Variants in STARD9 observed in about 807,000 individuals in gnomAD.
The protein encoded by STARD9 is StAR related lipid transfer domain containing 9.
Under a neutral mutation model 399.8 loss-of-function variants are expected in STARD9, and 346 were observed. The ratio of observed to expected loss-of-function variants is 0.87; its 90% CI spans 0.79 to 0.95. The LOEUF is 0.95. Ranked by LOEUF, STARD9 falls within the 40% of genes least tolerant of loss-of-function variation. The pLI is 0.00. For synonymous variants in STARD9, 2,203 were observed against 2,143.5 expected, an observed-to-expected ratio of 1.03 and a Z score of -0.77; for missense variants, 5,832 against 5,667.5, an observed-to-expected ratio of 1.03 and a Z score of -0.93.
chr15:42,606,954 T>C (rs941773929), intron 3 of STARD9, among the ~76,000 whole-genome samples: 1 of 151,232 alleles, frequency 6.6e-6, no homozygotes, highest in Non-Finnish European at 1.5e-5. Flanking sequence ...GTGTACTTCA[T>C]TGATTGATTG....
intron 3 of STARD9, among the ~76,000 whole-genome samples, chr15:42,610,501 A>G (rs534577916): frequency 2.0e-5 from 3 of 152,214 alleles, no homozygotes; most frequent in African/African-American, 2.4e-5. Context: ...TTAAACCACT[A>G]TTCTTTTGGG....
Position 42,638,763 on chromosome 15 carries a change from C to CTA in STARD9, c.513_514dup (p.Thr172IlefsTer22). 1 of 1,536,682 alleles carries CTA rather than the reference C, an allele frequency of 6.5e-7. No individual in the cohort carries two copies. The highest frequency in any genetic ancestry group is 8.7e-7 in the Non-Finnish European group (1 of 1,146,560). On this transcript the variant is annotated frameshift_variant, in exon 7 of 33. Transcript: ENST00000290607. LOFTEE classifies it high-confidence loss of function. ...TGAAGCAATCTGGTCAAAAAAAGTCCTATACCCTGCGGGTCAGGGAGCATC... is the reference window on the plus strand; with the variant it reads ...TGAAGCAATCTGGTCAAAAAAAGTCCTATATACCCTGCGGGTCAGGGAGCATC...
At chr15:42,592,757 TAAGGC>T (rs1488188554) in intron 3 of STARD9, among the ~76,000 whole-genome samples, 4 of 152,314 alleles carry the variant, frequency 2.6e-5, no homozygotes, top group Non-Finnish European at 5.9e-5. Context: ...TTTCCATTCT[TAAGGC>T]AAGTCATTAT....
Position 42,688,693 on chromosome 15 carries a change from G to T in STARD9, c.7115G>T (p.Ser2372Ile), listed in dbSNP as rs1329746328. ...LDLTMLKIHN[S>I]PLVTGVEHQD... ...CTCACAATGTTGAAAATTCATAACA[G>T]TCCCTTGGTAACTGGAGTAGAGCAT... The change falls in exon 23 of 33, where the codon AGT (serine) becomes ATT (isoleucine). Residue 2372 changes from serine to isoleucine, a missense_variant. Physicochemically the swap from Ser to Ile is moderately radical, Grantham distance 142. Coordinates refer to ENST00000290607, the MANE Select transcript of STARD9 (RefSeq NM_020759.3). 2 of 1,537,682 alleles carry T rather than the reference G, an allele frequency of 1.3e-6. No homozygotes were observed. The highest frequency in any genetic ancestry group is 4.9e-5 in the East Asian group (2 of 40,922).
Position 42,689,323 on chromosome 15 carries a change from T to C in STARD9, c.7745T>C (p.Leu2582Pro). ...GTCCTTTCTTACTGTGAAACTTTACTAGAACCCGAATGTTCTTCAAGGGTT... is the reference window on the plus strand; with the variant it reads ...GTCCTTTCTTACTGTGAAACTTTACCAGAACCCGAATGTTCTTCAAGGGTT... ...GTVLSYCETL[L>P]EPECSSRVAG... Residue 2582 changes from leucine to proline, a missense_variant, in exon 23 of 33, where the codon CTA becomes CCA. Leu to Pro is a moderately conservative substitution (Grantham distance 98). Transcript: ENST00000290607. The C allele has an allele frequency of 1.3e-6, 2 of 1,537,270 alleles. No homozygotes were observed. The highest frequency in any genetic ancestry group is 2.4e-5 in the East Asian group (1 of 40,920).
rs771180188 is a variant in STARD9 at position 42,687,709 on chromosome 15, C to T, written c.6131C>T (p.Thr2044Ile). The T allele has an allele frequency of 2.1e-5, 32 of 1,537,268 alleles. No homozygotes were observed. The highest frequency in any genetic ancestry group is 2.7e-5 in the Non-Finnish European group (31 of 1,146,902). ...AAACAGAATAAAAGAGTTAATAATA[C>T]TGATGAAATGGCTAGGCTAATTAGG... ...GKKQNKRVNN[T>I]DEMARLIRSV... The change falls in exon 23 of 33, where the codon ACT becomes ATT. Residue 2044 changes from threonine to isoleucine, a missense_variant. Thr to Ile is a moderately conservative substitution (Grantham distance 89). Coordinates refer to ENST00000290607, the MANE Select transcript of STARD9 (RefSeq NM_020759.3).
Position 42,690,235 on chromosome 15 carries a change from A to T in STARD9, c.8657A>T (p.Glu2886Val), listed in dbSNP as rs1345982419. ...GAGAGTGTTGGGTCTGGGTTGACAG[A>T]AGTCTGCAGGGCTGGCAGCAAACAT... ...CKESVGSGLT[E>V]VCRAGSKHSR... Residue 2886 changes from glutamate to valine, a missense_variant, in exon 23 of 33, where the codon GAA (glutamate) becomes GTA (valine). Physicochemically the swap from Glu to Val is moderately radical, Grantham distance 121. Transcript: ENST00000290607. 14 of 1,537,562 alleles carry T rather than the reference A, an allele frequency of 9.1e-6. No homozygotes were observed. The highest frequency in any genetic ancestry group is 1.2e-5 in the Non-Finnish European group (14 of 1,146,992).
chr15:42,698,292 A>C (rs1256999832), intron 26 of STARD9, among the ~76,000 whole-genome samples: 1 of 152,184 alleles, frequency 6.6e-6, no homozygotes, highest in Non-Finnish European at 1.5e-5. Flanking sequence ...ATATACATTT[A>C]AATTTTTGAT....
At chr15:42,713,606 G>T (rs58938096) in intron 26 of STARD9, among the ~76,000 whole-genome samples, 42,153 of 151,938 alleles carry the variant, frequency 0.28, 7,418 homozygotes, top group African/African-American at 0.49. Flanking sequence ...TCATGAAAAG[G>T]TACTGGATTT....
In STARD9 at chr15:42,675,346, G is replaced by A. The variant is rs114863961; in HGVS notation, c.1688-318G>A. The A allele has an allele frequency of 1.3e-4, 55 of 424,806 alleles. No individual in the cohort carries two copies. The Middle Eastern group carries it at 2.0e-3, about 15-fold the overall frequency. 26.3% of individuals were successfully genotyped at this position (424,806 alleles called of 1,614,324 possible). A position where few individuals can be genotyped will look rare whatever the true frequency, so the allele number is the denominator to read the frequency against. On this transcript the variant is annotated intron_variant, in intron 18 of 32. Coordinates refer to ENST00000290607, the MANE Select transcript of STARD9 (RefSeq NM_020759.3). The stretch of plus-strand genomic sequence containing the variant: ...CATTATCATTATTACTTTAATTACC[G>A]CTACTGTTATTAATCTATGCAAATT...
At chr15:42,682,957 C>T (rs1008083606) in intron 22 of STARD9, among the ~76,000 whole-genome samples, 1 of 152,166 alleles carries the variant, frequency 6.6e-6, no homozygotes, top group Non-Finnish European at 1.5e-5. Flanking sequence ...CACCACCTCC[C>T]TCCCTCTCCC....
chr15:42,598,878 T>C (rs1328234003), intron 3 of STARD9, among the ~76,000 whole-genome samples: 1 of 152,208 alleles, frequency 6.6e-6, no homozygotes, highest in Non-Finnish European at 1.5e-5. Context: ...TTTTATCAGT[T>C]AATACATTGC....
At chr15:42,601,034 C>T (rs1028247868) in intron 3 of STARD9, among the ~76,000 whole-genome samples, 12 of 151,972 alleles carry the variant, frequency 7.9e-5, no homozygotes, top group African/African-American at 2.9e-4. Flanking sequence ...GTGTTTGTGT[C>T]CCTGGGTACT....
chr15:42,715,422 G>A (rs1449907472), intron 26 of STARD9, among the ~76,000 whole-genome samples: 1 of 152,146 alleles, frequency 6.6e-6, no homozygotes, highest in Non-Finnish European at 1.5e-5. Flanking sequence ...GCTCACGCCT[G>A]TAATCCCAAA....
At chr15:42,666,199 C>A (rs1384841987) in intron 15 of STARD9, among the ~76,000 whole-genome samples, 1 of 152,148 alleles carries the variant, frequency 6.6e-6, no homozygotes, top group South Asian at 2.1e-4. Flanking sequence ...ACAGAGAGGT[C>A]CCTGCCCTCA....
At chr15:42,674,560 A>G in intron 17 of STARD9, 69 bp downstream of exon 17, 1 of 1,391,640 alleles carries the variant, frequency 7.2e-7, no homozygotes. Context: ...TTCTTCGAGG[A>G]CTTTGATGAT....
At chr15:42,711,501 C>T (rs1420640822) in intron 26 of STARD9, among the ~76,000 whole-genome samples, 1 of 152,164 alleles carries the variant, frequency 6.6e-6, no homozygotes, top group Non-Finnish European at 1.5e-5. Context: ...TAATCCAGTA[C>T]TATCTTATAT....
intron 22 of STARD9, among the ~76,000 whole-genome samples, chr15:42,683,293 A>C (rs1232939236): frequency 2.0e-5 from 3 of 152,210 alleles, no homozygotes; most frequent in African/African-American, 7.2e-5. Flanking sequence ...ATTATGAAAA[A>C]ATTTTAAACA....
Position 42,702,855 on chromosome 15 carries a change from C to T in STARD9, c.13284+6975C>T, listed in dbSNP as rs548658285. Among the ~76,000 whole-genome samples the T allele has an allele frequency of 3.3e-5, 5 of 152,226 alleles. No homozygotes were observed. In the South Asian group the frequency reaches 1.0e-3, roughly 32 times the overall value. ...TCCTTCAGCACTTTGACTGTCATCCCACTCCCTCCTAGCCTGTAAGGTTTT... is the reference window on the plus strand; with the variant it reads ...TCCTTCAGCACTTTGACTGTCATCCTACTCCCTCCTAGCCTGTAAGGTTTT... On this transcript the variant is annotated intron_variant, in intron 26 of 32. Transcript: ENST00000290607.
Sources: allele counts gnomAD v4.1 joint callset (sites outside exome capture counted in the v4.1 genomes callset), GRCh38; gene constraint gnomAD v4.1.1; transcripts MANE v1.5; gene names NCBI Gene and HGNC (gene_info 2026-07-23, HGNC 2026-07-21).